THSD7B: variants seen among roughly 807,000 people sequenced by gnomAD.
The protein encoded by THSD7B is thrombospondin type 1 domain containing 7B.
In THSD7B, 138 loss-of-function variants were observed where a neutral mutation model predicts 213.6. The ratio of observed to expected loss-of-function variants is 0.65; its 90% CI spans 0.56 to 0.74. The LOEUF is 0.74. Among genes scored for constraint, THSD7B ranks in the 30% least tolerant of loss-of-function variants. The probability of loss-of-function intolerance (pLI) is 0.00; values close to 1 mark genes in which losing one functional copy is unlikely to be tolerated. For synonymous variants in THSD7B, 742 were observed against 687.0 expected (o/e 1.08, Z -1.25); for missense variants, 1,931 against 1,991.5 (o/e 0.97, Z 0.58).
At chr2:136,832,299 A>G (rs1682771110) in intron 1 of THSD7B, among the ~76,000 whole-genome samples, 1 of 151,890 alleles carries the variant, frequency 6.6e-6, no homozygotes, top group Admixed American at 6.6e-5. Context: ...CAAGCTGGAG[A>G]GCTGGAAAAG....
In THSD7B at chr2:137,177,847, G is replaced by A. The variant is rs545763224; in HGVS notation, c.1723+6909G>A. On this transcript the variant is annotated intron_variant, in intron 7 of 27. Coordinates refer to ENST00000409968, the MANE Select transcript of THSD7B (RefSeq NM_001316349.2). ...GCACTTTGGGAGGTCAAGGTGGGCG[G>A]ATCACTTGAGGTCAGGAGATTGAGA... is the stretch of plus-strand genomic sequence containing the variant. Among the ~76,000 whole-genome samples the A allele has an allele frequency of 2.6e-4, 39 of 152,108 alleles. No individual in the cohort carries two copies. The South Asian group carries it at 4.6e-3, about 18-fold the overall frequency.
At chr2:137,089,553 T>G (rs1687912932) in intron 3 of THSD7B, among the ~76,000 whole-genome samples, 1 of 151,690 alleles carries the variant, frequency 6.6e-6, no homozygotes, top group Admixed American at 6.6e-5. Flanking sequence ...GTCAAGTAAC[T>G]CAGGAATGGG....
At chr2:136,939,801 T>C (rs998617876) in intron 2 of THSD7B, among the ~76,000 whole-genome samples, 1 of 152,164 alleles carries the variant, frequency 6.6e-6, no homozygotes, top group East Asian at 1.9e-4. Context: ...CAGTGTGCAC[T>C]GTCTATCACT....
intron 1 of THSD7B, among the ~76,000 whole-genome samples, chr2:136,818,482 G>T (rs984191989): frequency 6.6e-6 from 1 of 150,982 alleles, no homozygotes; most frequent in African/African-American, 2.4e-5. Flanking sequence ...CACCAGCATG[G>T]CACATGTATA....
chr2:137,131,559 A>T (rs28883043), intron 5 of THSD7B, among the ~76,000 whole-genome samples: 6 of 152,090 alleles, frequency 3.9e-5, no homozygotes, highest in African/African-American at 7.2e-5. Flanking sequence ...TTTTTGTATA[A>T]GGTGTAAGGA....
chr2:136,997,409 G>C (rs1685914332), intron 2 of THSD7B, among the ~76,000 whole-genome samples: 1 of 152,172 alleles, frequency 6.6e-6, no homozygotes, highest in African/African-American at 2.4e-5. Context: ...TTTTAAACAA[G>C]TTTTGTGCTT....
intron 10 of THSD7B, among the ~76,000 whole-genome samples, chr2:137,254,838 A>G (rs544556624): frequency 2.0e-5 from 3 of 152,208 alleles, no homozygotes; most frequent in African/African-American, 7.2e-5. Flanking sequence ...TGAATTTTAT[A>G]AACAGAAGAT....
chr2:136,857,490 C>T (rs144607672), intron 1 of THSD7B, among the ~76,000 whole-genome samples: 175 of 152,302 alleles, frequency 1.1e-3, no homozygotes, highest in African/African-American at 4.0e-3. Flanking sequence ...CTAGGCATCC[C>T]GTCTTTTCTC....
intron 24 of THSD7B, among the ~76,000 whole-genome samples, chr2:137,657,489 A>T (rs1035538109): frequency 6.6e-6 from 1 of 152,234 alleles, no homozygotes; most frequent in African/African-American, 2.4e-5. Flanking sequence ...TTCAAAGGAC[A>T]TATCTTAGCA....
At chr2:137,212,800 G>A (rs1394794474) in intron 7 of THSD7B, among the ~76,000 whole-genome samples, 1 of 152,016 alleles carries the variant, frequency 6.6e-6, no homozygotes, top group Non-Finnish European at 1.5e-5. Context: ...ACTGAGTCTT[G>A]AGGATGGCTC....
At chr2:136,919,454 T>A (rs772178455) in intron 2 of THSD7B, among the ~76,000 whole-genome samples, 4 of 152,250 alleles carry the variant, frequency 2.6e-5, no homozygotes, top group African/African-American at 9.6e-5. Context: ...TGTAAATGGC[T>A]CTTTATAATG....
Position 137,303,978 on chromosome 2 carries a change from G to T in THSD7B, c.2500+27952G>T, listed in dbSNP as rs892579846. On this transcript the variant is annotated intron_variant, in intron 12 of 27. Coordinates refer to ENST00000409968, the MANE Select transcript of THSD7B (RefSeq NM_001316349.2). Reference sequence around the variant, plus strand: ...CCCCTAGCCCACCACCCCCTGACAGGCCCTAGTGTGATGTTCCCCTCCCTG... The same window carrying T: ...CCCCTAGCCCACCACCCCCTGACAGTCCCTAGTGTGATGTTCCCCTCCCTG... Among the ~76,000 whole-genome samples the T allele has an allele frequency of 1.3e-5, 2 of 151,034 alleles. 1 individual carries two copies. Among genetic ancestry groups the T allele is most frequent in the East Asian group, 3.9e-4 (2 of 5,110 alleles).
intron 12 of THSD7B, among the ~76,000 whole-genome samples, chr2:137,280,999 T>C (rs1005906042): frequency 9.2e-5 from 14 of 152,148 alleles, no homozygotes; most frequent in African/African-American, 3.1e-4. Flanking sequence ...GTATACTCTG[T>C]CAGCGACAGA....
intron 2 of THSD7B, among the ~76,000 whole-genome samples, chr2:136,914,799 C>T (rs2105027523): frequency 6.6e-6 from 1 of 152,170 alleles, no homozygotes; most frequent in East Asian, 1.9e-4. Flanking sequence ...TCTTTATCAG[C>T]AGCATGAAAA....
intron 1 of THSD7B, among the ~76,000 whole-genome samples, chr2:136,872,542 TTTTTC>T (rs1039288097): frequency 6.6e-4 from 101 of 152,030 alleles, no homozygotes; most frequent in African/African-American, 2.0e-3. Context: ...TTCTTTTCTC[TTTTTC>T]TTTTCTTTTC....
chr2:136,984,305 G>A lies in THSD7B; in HGVS notation c.140-72115G>A, dbSNP rs1558876733. Among the ~76,000 whole-genome samples the A allele has an allele frequency of 2.0e-5, 3 of 152,204 alleles. No homozygotes were observed. In the South Asian group the frequency reaches 6.2e-4, roughly 31 times the overall value. On this transcript the variant is annotated intron_variant, in intron 2 of 27. Transcript: ENST00000409968. The stretch of plus-strand genomic sequence containing the variant: ...AAATGTGATTCCAAATGTTGGAGGT[G>A]GGGCCTGGTGGGAGGTAATTAGATT...
At chr2:137,667,656 C>T (rs1340429810) in intron 26 of THSD7B, 118 bp from the exon 27 acceptor site, 10 of 732,322 alleles carry the variant, frequency 1.4e-5, no homozygotes, top group South Asian at 1.9e-5. Flanking sequence ...TAAAGTGCTG[C>T]TGTTCAAGTA....
At chr2:137,083,116 T>G (rs1221223732) in intron 3 of THSD7B, among the ~76,000 whole-genome samples, 2 of 152,110 alleles carry the variant, frequency 1.3e-5, no homozygotes, top group African/African-American at 4.8e-5. Context: ...GATAAGAAAT[T>G]AAGAGGCATT....
At chr2:136,982,496 C>T (rs985500826) in intron 2 of THSD7B, among the ~76,000 whole-genome samples, 3 of 152,086 alleles carry the variant, frequency 2.0e-5, no homozygotes, top group Non-Finnish European at 4.4e-5. Context: ...CATTCTCCAG[C>T]CTCTTTTATA....
Sources: gnomAD v4.1 joint callset for allele counts (sites outside exome capture counted in the v4.1 genomes callset) on GRCh38, gnomAD v4.1.1 for gene constraint, MANE v1.5 for transcripts, NCBI Gene and HGNC (gene_info 2026-07-23, HGNC 2026-07-21) for gene names.